RARB: variants seen among roughly 807,000 people sequenced by gnomAD.
RARB encodes HBV-activated protein.
RARB carries 17 observed loss-of-function variants against 51.9 expected under a neutral mutation model. The ratio of observed to expected loss-of-function variants is 0.33; its 90% CI spans 0.22 to 0.49. The LOEUF is 0.49. RARB is among the 20% of genes least tolerant of loss of function. The pLI is 0.99. For synonymous variants in RARB, 215 were observed against 195.4 expected (o/e 1.10, Z -0.84); for missense variants, 369 against 550.8 (o/e 0.67, Z 3.30).
At chr3:24,936,297 T>C (rs2125396890) in intron 2 of RARB, among the ~76,000 whole-genome samples, 1 of 152,204 alleles carries the variant, frequency 6.6e-6, no homozygotes, top group Admixed American at 6.5e-5. Context: ...GAGAAGAGTT[T>C]TCTAAATTTT....
At chr3:25,379,143 G>A (rs1315507869) in intron 5 of RARB, among the ~76,000 whole-genome samples, 1 of 152,066 alleles carries the variant, frequency 6.6e-6, no homozygotes, top group Non-Finnish European at 1.5e-5. Flanking sequence ...GATAGCCTTG[G>A]TGTGTACAAA....
intron 3 of RARB, among the ~76,000 whole-genome samples, chr3:25,545,427 G>T (rs1173695566): frequency 6.6e-6 from 1 of 152,108 alleles, no homozygotes; most frequent in East Asian, 1.9e-4. Flanking sequence ...ATTCACTTGT[G>T]TCCTGCCCTC....
chr3:25,009,768 G>T (rs918651614), intron 2 of RARB, among the ~76,000 whole-genome samples: 4 of 152,048 alleles, frequency 2.6e-5, no homozygotes, highest in African/African-American at 7.2e-5. Flanking sequence ...AGACTTAGAG[G>T]GGGATGGGAA....
rs769275874 is a variant in RARB, at chr3:24,989,774, C to CTTTTTTTTTTTTTTTTTTTTTTT, written c.-379-70337_-379-70315dup. Among the ~76,000 whole-genome samples, 4 of 29,530 alleles carry CTTTTTTTTTTTTTTTTTTTTTTT rather than the reference C, an allele frequency of 1.4e-4. 1 individual carries two copies. Among genetic ancestry groups the CTTTTTTTTTTTTTTTTTTTTTTT allele is most frequent in the Admixed American group, 5.8e-4 (1 of 1,736 alleles). 19.4% of individuals were successfully genotyped at this position (29,530 alleles called of 152,430 possible). On this transcript the variant is annotated intron_variant, in intron 2 of 11. Coordinates refer to the RARB transcript ENST00000383772. Reference sequence around the variant, plus strand: ...ATTTTAACTGTTGTCATATGTTTTTCTTTTTTTTTTTTTTTTTTTTTTTTT... The same window carrying CTTTTTTTTTTTTTTTTTTTTTTT: ...ATTTTAACTGTTGTCATATGTTTTTCTTTTTTTTTTTTTTTTTTTTTTTTTTTTTTTTTTTTTTTTTTTTTTTT...
chr3:25,286,029 G>A (rs991423983), intron 5 of RARB, among the ~76,000 whole-genome samples: 6 of 151,232 alleles, frequency 4.0e-5, no homozygotes, highest in African/African-American at 1.2e-4. Context: ...TCAGTCGGAG[G>A]CTGTTATCTA....
At chr3:25,071,581 C>T (rs996197599) in intron 3 of RARB, among the ~76,000 whole-genome samples, 3 of 152,180 alleles carry the variant, frequency 2.0e-5, no homozygotes, top group African/African-American at 7.2e-5. Context: ...CTTTTGCTTC[C>T]TGTCTAGACC....
upstream of RARB, among the ~76,000 whole-genome samples, chr3:25,425,632 A>G (rs1332223851): frequency 6.6e-6 from 1 of 152,176 alleles, no homozygotes; most frequent in Non-Finnish European, 1.5e-5. Context: ...TATATTTTAC[A>G]TTTTCTTGCA....
At chr3:25,577,905 T>C (rs1701006133) in intron 4 of RARB, among the ~76,000 whole-genome samples, 1 of 152,248 alleles carries the variant, frequency 6.6e-6, no homozygotes, top group Non-Finnish European at 1.5e-5. Context: ...GGGGAGGCGC[T>C]GCAGCTCCTG....
chr3:25,162,190 A>G lies in RARB; in HGVS notation c.-279-11929A>G, dbSNP rs191099647. On this transcript the variant is annotated intron_variant, in intron 4 of 11. Coordinates refer to the RARB transcript ENST00000383772. ...TGTGATCATAGCTCATGCAGCCTCA[A>G]CCTCCTGGGGTCAATCAATCTTCCC... Among the ~76,000 whole-genome samples, 20 of 152,238 alleles carry G rather than the reference A, an allele frequency of 1.3e-4. No individual in the cohort carries two copies. In the East Asian group the frequency reaches 3.9e-3, roughly 29 times the overall value.
At chr3:25,562,668 A>G (rs936728907) in intron 3 of RARB, among the ~76,000 whole-genome samples, 3 of 152,196 alleles carry the variant, frequency 2.0e-5, no homozygotes, top group Non-Finnish European at 4.4e-5. Context: ...GATATTTCTT[A>G]TAGCTCATAT....
intron 5 of RARB, among the ~76,000 whole-genome samples, chr3:25,244,272 A>ATT (rs200215353): frequency 0.047 from 6,211 of 133,184 alleles, 166 homozygotes; most frequent in African/African-American, 0.058. Flanking sequence ...GAATTCATTG[A>ATT]TTTTTTTTTT....
chr3:25,185,033 A>G (rs1330379566), intron 5 of RARB, among the ~76,000 whole-genome samples: 1 of 152,204 alleles, frequency 6.6e-6, no homozygotes, highest in South Asian at 2.1e-4. Context: ...TATGCATTCT[A>G]ACTTCCAAAA....
rs1315875330 is a variant in RARB at position 25,135,195 on chromosome 3, T to C, written c.-280+2987T>C. Among the ~76,000 whole-genome samples, 7 of 151,960 alleles carry C rather than the reference T, an allele frequency of 4.6e-5. No individual in the cohort carries two copies. In the East Asian group the frequency reaches 9.6e-4, roughly 21 times the overall value. On this transcript the variant is annotated intron_variant, in intron 4 of 11. Coordinates refer to the RARB transcript ENST00000383772. ...AGAGTAGCCACTAGCCAGGTGTGGCTATTGAGCGCTCAAAAATAGCTAGTG... is the reference window on the plus strand; with the variant it reads ...AGAGTAGCCACTAGCCAGGTGTGGCCATTGAGCGCTCAAAAATAGCTAGTG...
At chr3:24,901,541 C>T (rs562190772) in intron 2 of RARB, among the ~76,000 whole-genome samples, 16 of 152,138 alleles carry the variant, frequency 1.1e-4, no homozygotes, top group Non-Finnish European at 1.9e-4. Context: ...GGGCGCAGTT[C>T]AGGGATTTTA....
intron 5 of RARB, among the ~76,000 whole-genome samples, chr3:25,408,987 T>C (rs1707488636): frequency 6.6e-6 from 1 of 152,148 alleles, no homozygotes; most frequent in Non-Finnish European, 1.5e-5. Context: ...TGAGCCGAGA[T>C]TGCGCCACTG....
chr3:25,142,427 T>C (rs1285337753), intron 4 of RARB, among the ~76,000 whole-genome samples: 1 of 152,198 alleles, frequency 6.6e-6, no homozygotes, highest in Non-Finnish European at 1.5e-5. Flanking sequence ...GTGGCTGGCA[T>C]GCCTATGAAA....
intron 5 of RARB, among the ~76,000 whole-genome samples, chr3:25,200,892 T>C (rs1330767009): frequency 6.6e-6 from 1 of 152,200 alleles, no homozygotes; most frequent in Non-Finnish European, 1.5e-5. Flanking sequence ...TCCAGCTTTG[T>C]TCTTTTGGCT....
intron 1 of RARB, among the ~76,000 whole-genome samples, chr3:24,832,324 A>G (rs1290505167): frequency 6.6e-6 from 1 of 152,100 alleles, no homozygotes; most frequent in African/African-American, 2.4e-5. Context: ...GTGGAACAGC[A>G]CAGTGAAATC....
chr3:25,121,424 A>G (rs1490515637), intron 3 of RARB, among the ~76,000 whole-genome samples: 1 of 152,188 alleles, frequency 6.6e-6, no homozygotes, highest in African/African-American at 2.4e-5. Context: ...CAACTTTAAT[A>G]GTTGGAAAAT....
Sources: allele counts gnomAD v4.1 joint callset (sites outside exome capture counted in the v4.1 genomes callset), GRCh38; gene constraint gnomAD v4.1.1; transcripts MANE v1.5; gene names NCBI Gene and HGNC (gene_info 2026-07-23, HGNC 2026-07-21).